Variants in SNX18 observed in about 807,000 individuals in gnomAD.
SNX18 encodes sorting nexin-18.
A neutral mutation model predicts 48.7 loss-of-function variants in SNX18; 35 were observed. The ratio of observed to expected loss-of-function variants is 0.72; its 90% CI spans 0.55 to 0.95. The LOEUF is 0.95. Among genes scored for constraint, SNX18 ranks in the 40% least tolerant of loss-of-function variants. SNX18 has a pLI of 0.00. For missense variants in SNX18, 824 were observed against 871.0 expected (o/e 0.95, Z 0.68); for synonymous variants, 492 against 384.7 (o/e 1.28, Z -3.26).
At chr5:54,541,414 T>C (rs1762468744) in intron 1 of SNX18, among the ~76,000 whole-genome samples, 1 of 152,232 alleles carries the variant, frequency 6.6e-6, no homozygotes, top group Non-Finnish European at 1.5e-5. Context: ...CAATAAATTA[T>C]TATTAATTTT....
the SNX18 span, among the ~76,000 whole-genome samples, chr5:54,602,676 T>C: frequency 1.7e-4 from 26 of 151,840 alleles, no homozygotes; most frequent in Non-Finnish European, 2.5e-4. Flanking sequence ...AAGGAAGGAA[T>C]ATACAACTTG....
chr5:54,526,685 G>T (rs1049689572), intron 1 of SNX18, among the ~76,000 whole-genome samples: 2 of 152,156 alleles, frequency 1.3e-5, no homozygotes, highest in Non-Finnish European at 2.9e-5. Context: ...TGCTAGTGTT[G>T]CATCAGTGGC....
At chr5:54,614,462 G>T in the SNX18 span, among the ~76,000 whole-genome samples, 1 of 152,146 alleles carries the variant, frequency 6.6e-6, no homozygotes, top group Non-Finnish European at 1.5e-5. Context: ...AGTACTACTT[G>T]TATAATATAC....
chr5:54,528,831 G>T (rs2161586), intron 1 of SNX18, among the ~76,000 whole-genome samples: 104,822 of 152,048 alleles, frequency 0.69, 36,425 homozygotes, highest in Middle Eastern at 0.72. Flanking sequence ...GGGAAGGGCA[G>T]TCTGGGCCGA....
At chr5:54,638,001 G>GAC in the SNX18 span, among the ~76,000 whole-genome samples, 2 of 152,184 alleles carry the variant, frequency 1.3e-5, no homozygotes, top group Non-Finnish European at 2.9e-5. Context: ...GAGAGAGAGA[G>GAC]AGAGAGAGAG....
At chr5:54,647,731 G>A in the SNX18 span, among the ~76,000 whole-genome samples, 1 of 152,288 alleles carries the variant, frequency 6.6e-6, no homozygotes, top group East Asian at 1.9e-4. Context: ...AACAGCAGGG[G>A]TTGAAAACAG....
intron 1 of SNX18, among the ~76,000 whole-genome samples, chr5:54,531,881 A>G (rs542464168): frequency 2.0e-5 from 3 of 152,352 alleles, no homozygotes; most frequent in South Asian, 2.1e-4. Context: ...ATACATGGCA[A>G]TTGGGACAAT....
At chr5:54,592,991 G>A in the SNX18 span, among the ~76,000 whole-genome samples, 5 of 152,030 alleles carry the variant, frequency 3.3e-5, no homozygotes, top group Non-Finnish European at 5.9e-5. Context: ...AGTAGAGACC[G>A]GGTTTCATCA....
At chr5:54,608,995 G>A in the SNX18 span, among the ~76,000 whole-genome samples, 1 of 152,222 alleles carries the variant, frequency 6.6e-6, no homozygotes, top group African/African-American at 2.4e-5. Context: ...ATGCTGGGCA[G>A]CTCAGCTGCT....
chr5:54,583,252 C>T, the SNX18 span, among the ~76,000 whole-genome samples: 1 of 152,208 alleles, frequency 6.6e-6, no homozygotes, highest in African/African-American at 2.4e-5. Flanking sequence ...GCTGGGATTA[C>T]AGGTGTGAGC....
the SNX18 span, among the ~76,000 whole-genome samples, chr5:54,626,685 T>C: frequency 6.6e-6 from 1 of 152,198 alleles, no homozygotes; most frequent in African/African-American, 2.4e-5. Context: ...CGTCATCTAA[T>C]AGGTAGAGGC....
chr5:54,647,845 G>T, the SNX18 span, among the ~76,000 whole-genome samples: 1 of 152,098 alleles, frequency 6.6e-6, no homozygotes, highest in African/African-American at 2.4e-5. Context: ...TGAGAGAAGT[G>T]AAAGGAGTAG....
At chr5:54,609,381 C>G in the SNX18 span, among the ~76,000 whole-genome samples, 1 of 152,156 alleles carries the variant, frequency 6.6e-6, no homozygotes, top group African/African-American at 2.4e-5. Context: ...AAGAAAATCT[C>G]TCTTCCTTTC....
chr5:54,588,149 T>C, the SNX18 span, among the ~76,000 whole-genome samples: 47 of 152,106 alleles, frequency 3.1e-4, no homozygotes, highest in Non-Finnish European at 4.1e-4. Context: ...AGTGTCGCCA[T>C]AATTTTTTCA....
intron 1 of SNX18, among the ~76,000 whole-genome samples, chr5:54,531,936 G>A (rs897359717): frequency 6.6e-6 from 1 of 152,198 alleles, no homozygotes; most frequent in Non-Finnish European, 1.5e-5. Flanking sequence ...ACTTGAAAAC[G>A]AGAAATGCAT....
the SNX18 span, among the ~76,000 whole-genome samples, chr5:54,640,283 G>A: frequency 9.3e-5 from 14 of 150,752 alleles, no homozygotes; most frequent in East Asian, 7.8e-4. Context: ...GCTCTATCTC[G>A]GCTCACTGCA....
the SNX18 span, among the ~76,000 whole-genome samples, chr5:54,637,826 G>A: frequency 2.0e-5 from 3 of 152,170 alleles, no homozygotes; most frequent in Non-Finnish European, 2.9e-5. Context: ...CCTTGCAAAC[G>A]GCTTCTCTTT....
At position 54,518,429 on chromosome 5, in the gene SNX18, C is replaced by A; in HGVS notation, c.477C>A (p.Asp159Glu). The change falls in exon 1 of 2, where the codon GAC (aspartate) becomes GAA (glutamate). Residue 159 changes from aspartate (D) to glutamate (E), a missense_variant. Around this residue, in one of 3 missense-constraint regions of SNX18, gnomAD observed 377 missense variants for 350.6 expected, o/e 1.08. Transcript: ENST00000381410. ...ATGATGACTGGGACGACGAGTGGGA[C>A]GACAGCTCCACGGTGGCGGACGAGC... ...GSDDDWDDEWDDSSTVADEPG... is the reference protein window; with the variant it reads ...GSDDDWDDEWEDSSTVADEPG... 1 of 1,581,602 alleles carries A rather than the reference C, an allele frequency of 6.3e-7. No homozygotes were observed. Among genetic ancestry groups the A allele is most frequent in the Non-Finnish European group, 8.6e-7 (1 of 1,164,698 alleles).
chr5:54,589,890 G>A, the SNX18 span, among the ~76,000 whole-genome samples: 1 of 152,154 alleles, frequency 6.6e-6, no homozygotes, highest in Admixed American at 6.6e-5. Flanking sequence ...GCAGTGGCGA[G>A]ATCATTCTCC....
Sources: gnomAD v4.1 joint callset for allele counts (sites outside exome capture counted in the v4.1 genomes callset) on GRCh38, gnomAD v4.1.1 for gene constraint, gnomAD v4.1.1 regional missense constraint, MANE v1.5 for transcripts, NCBI Gene and HGNC (gene_info 2026-07-23, HGNC 2026-07-21) for gene names.